PPFIBP1: variants seen among roughly 807,000 people sequenced by gnomAD.
The protein encoded by PPFIBP1 is PPFIB scaffold protein 1.
A neutral mutation model predicts 137.8 loss-of-function variants in PPFIBP1; 112 were observed. That is an observed-to-expected ratio of 0.81 (90% CI 0.70 to 0.95). The LOEUF is 0.95. PPFIBP1 is among the 40% of genes least tolerant of loss of function. PPFIBP1 has a pLI of 0.00. For synonymous variants in PPFIBP1, 378 were observed against 417.3 expected, an observed-to-expected ratio of 0.91 and a Z score of 1.15; for missense variants, 1,083 against 1,196.6, an observed-to-expected ratio of 0.91 and a Z score of 1.40.
chr12:27,535,394 G>T (rs1157362238), intron 1 of PPFIBP1, among the ~76,000 whole-genome samples: 3 of 150,004 alleles, frequency 2.0e-5, no homozygotes, highest in African/African-American at 4.9e-5. Context: ...TGTTGTTTTT[G>T]TTGTTGTTGT....
chr12:27,574,549 A>G (rs1010784491), intron 1 of PPFIBP1, among the ~76,000 whole-genome samples: 2 of 152,204 alleles, frequency 1.3e-5, no homozygotes, highest in African/African-American at 4.8e-5. Context: ...CTAATCTTAG[A>G]TGGGTCTTAA....
chr12:27,569,900 G>A (rs1329034477), intron 1 of PPFIBP1, among the ~76,000 whole-genome samples: 1 of 152,076 alleles, frequency 6.6e-6, no homozygotes, highest in African/African-American at 2.4e-5. Flanking sequence ...TTTAGATCCT[G>A]TTCTCCATGG....
chr12:27,525,513 GAAAAAAAAAAA>G (rs56656340), intron 1 of PPFIBP1, among the ~76,000 whole-genome samples: 1 of 93,758 alleles, frequency 1.1e-5, no homozygotes, highest in Non-Finnish European at 2.1e-5. Context: ...GAGCAGGAAG[GAAAAAAAAAAA>G]AAAAAAAAAA....
chr12:27,597,272 A>G (rs1309548950), intron 2 of PPFIBP1, among the ~76,000 whole-genome samples: 7 of 152,052 alleles, frequency 4.6e-5, no homozygotes, highest in Admixed American at 2.6e-4. Flanking sequence ...GGTTCAAGCA[A>G]TTATCCTGCC....
intron 6 of PPFIBP1, 198 bp downstream of exon 6, chr12:27,648,040 T>C: frequency 1.7e-6 from 1 of 593,578 alleles, no homozygotes; most frequent in East Asian, 3.5e-5. Flanking sequence ...AATTAGAATC[T>C]GGAACAAAAT....
At chr12:27,550,685 T>C (rs1001739017) in intron 1 of PPFIBP1, among the ~76,000 whole-genome samples, 4 of 152,168 alleles carry the variant, frequency 2.6e-5, no homozygotes, top group African/African-American at 9.7e-5. Context: ...CATTCCAATA[T>C]TGGAGATGTT....
At chr12:27,560,649 C>A (rs1305621602) in intron 1 of PPFIBP1, among the ~76,000 whole-genome samples, 1 of 152,142 alleles carries the variant, frequency 6.6e-6, no homozygotes, top group Non-Finnish European at 1.5e-5. Context: ...ATCAACACAG[C>A]CATACGAGTT....
In PPFIBP1 at chr12:27,677,082, G is replaced by A. The variant is rs756574347; in HGVS notation, c.1601G>A (p.Ser534Asn). ...TCTGAAGATCGTAAACGAAGTGCCA[G>A]TGCACCCACCCTAGGTATTGTACCC... ...APNLDRKRSA[S>N]APTLAETEKE... Residue 534 changes from serine to asparagine, a missense_variant, in exon 19 of 30, where the codon AGT (serine) becomes AAT (asparagine). Coordinates refer to ENST00000228425, the MANE Select transcript of PPFIBP1 (RefSeq NM_003622.4). 2 of 1,614,174 alleles carry A rather than the reference G, an allele frequency of 1.2e-6. No homozygotes were observed. The highest frequency in any genetic ancestry group is 8.5e-7 in the Non-Finnish European group (1 of 1,180,026).
chr12:27,556,286 GA>G (rs1212624817), intron 1 of PPFIBP1, among the ~76,000 whole-genome samples: 1 of 152,166 alleles, frequency 6.6e-6, no homozygotes, highest in African/African-American at 2.4e-5. Flanking sequence ...GCATGTTAAT[GA>G]AACACATAAA....
Position 27,691,900 on chromosome 12 carries a change from A to G in PPFIBP1, c.2837A>G (p.Glu946Gly). 1 of 1,612,950 alleles carries G rather than the reference A, an allele frequency of 6.2e-7. No individual in the cohort carries two copies. Among genetic ancestry groups the G allele is most frequent in the South Asian group, 1.1e-5 (1 of 90,556 alleles). The change falls in exon 28 of 30, where the codon GAG (glutamate) becomes GGG (glycine). Residue 946 changes from glutamate to glycine, a missense_variant. Physicochemically the swap from Glu to Gly is moderately conservative, Grantham distance 98. Coordinates refer to ENST00000228425, the MANE Select transcript of PPFIBP1 (RefSeq NM_003622.4). ...CCTGGTTTGGATATGCGCCTGTATG[A>G]GGAAGATGATTTGGACCGGTTAGAG... ...FKPGLDMRLYEEDDLDRLEQM... is the reference protein window; with the variant it reads ...FKPGLDMRLYGEDDLDRLEQM...
intron 2 of PPFIBP1, among the ~76,000 whole-genome samples, chr12:27,618,084 A>G (rs749959767): frequency 2.0e-5 from 3 of 152,240 alleles, no homozygotes; most frequent in Non-Finnish European, 4.4e-5. Context: ...CTAAGACATG[A>G]AAGAGTCAGA....
intron 22 of PPFIBP1, among the ~76,000 whole-genome samples, chr12:27,682,011 T>G (rs1307401191): frequency 1.5e-5 from 2 of 136,666 alleles, no homozygotes; most frequent in African/African-American, 5.5e-5. Flanking sequence ...GTGTAAGATA[T>G]GCAATTAACT....
intron 2 of PPFIBP1, among the ~76,000 whole-genome samples, chr12:27,597,794 T>G (rs1360284147): frequency 6.6e-6 from 1 of 152,094 alleles, no homozygotes; most frequent in Non-Finnish European, 1.5e-5. Flanking sequence ...TTTTATTTAT[T>G]TATTTATGTA....
chr12:27,646,261 C>A (rs1216381828), intron 5 of PPFIBP1, 113 bp downstream of exon 5: 6 of 815,626 alleles, frequency 7.4e-6, no homozygotes, highest in Non-Finnish European at 1.2e-5. Flanking sequence ...AGAAATAAGC[C>A]TGATAAGCCA....
chr12:27,595,563 C>T (rs1456326979), intron 2 of PPFIBP1, among the ~76,000 whole-genome samples: 2 of 152,098 alleles, frequency 1.3e-5, no homozygotes, highest in Non-Finnish European at 2.9e-5. Context: ...CCAAAATATT[C>T]TGTGCCCTAG....
chr12:27,597,156 T>G (rs1325845793), intron 2 of PPFIBP1, among the ~76,000 whole-genome samples: 2 of 152,184 alleles, frequency 1.3e-5, no homozygotes, highest in Non-Finnish European at 2.9e-5. Context: ...AAATGAGATT[T>G]ATTTATTTAT....
chr12:27,597,515 G>C (rs7963371), intron 2 of PPFIBP1, among the ~76,000 whole-genome samples: 99,951 of 151,988 alleles, frequency 0.66, 33,863 homozygotes, highest in Middle Eastern at 0.75. Flanking sequence ...ATCTGGAGTC[G>C]TCTCTCTAGC....
intron 2 of PPFIBP1, among the ~76,000 whole-genome samples, chr12:27,613,232 C>A (rs7956197): frequency 0.011 from 1,680 of 152,304 alleles, 34 homozygotes; most frequent in African/African-American, 0.038. Context: ...GCTGGGTAGC[C>A]AAGAGAGGAG....
chr12:27,616,041 A>G lies in PPFIBP1; in HGVS notation c.-35-17321A>G, dbSNP rs1038456528. ...TATGTTTGTTCTAAATCGCTTGGGT[A>G]CTTACTAAGCACTTAATAAATATTA... On this transcript the variant is annotated intron_variant, in intron 2 of 29. Coordinates refer to ENST00000228425, the MANE Select transcript of PPFIBP1 (RefSeq NM_003622.4). 1.8e-4 allele frequency among the ~76,000 whole-genome samples: 27 copies of G among 152,200 alleles called. 1 individual carries two copies. Among genetic ancestry groups the G allele is most frequent in the Admixed American group, 2.0e-4 (3 of 15,272 alleles).
Sources: gnomAD v4.1 joint callset for allele counts (sites outside exome capture counted in the v4.1 genomes callset) on GRCh38, gnomAD v4.1.1 for gene constraint, MANE v1.5 for transcripts, NCBI Gene and HGNC (gene_info 2026-07-23, HGNC 2026-07-21) for gene names.